The following EGFR variants were observed in gnomAD, a reference collection of about 807,000 sequenced individuals.
The protein encoded by EGFR is avian erythroblastic leukemia viral (v-erb-b) oncogene homolog.
A neutral mutation model predicts 143.0 loss-of-function variants in EGFR; 58 were observed. The observed-to-expected ratio is 0.41, with a 90% CI of 0.33 to 0.50. The LOEUF is 0.50. EGFR is among the 20% of genes least tolerant of loss of function. The pLI is 0.39. For missense variants in EGFR, 1,307 were observed against 1,579.0 expected, an observed-to-expected ratio of 0.83 and a Z score of 2.92; for synonymous variants, 613 against 594.4, an observed-to-expected ratio of 1.03 and a Z score of -0.45.
chr7:55,066,140 G>A (rs188503575), intron 1 of EGFR, among the ~76,000 whole-genome samples: 77 of 152,192 alleles, frequency 5.1e-4, no homozygotes, highest in African/African-American at 1.5e-3. Context: ...CCCCTCTTGC[G>A]TCCTTTCCTC....
chr7:55,133,509 A>G (rs1793971064), intron 1 of EGFR, among the ~76,000 whole-genome samples: 1 of 152,162 alleles, frequency 6.6e-6, no homozygotes. Flanking sequence ...CCGGGTTTTG[A>G]AGCCGATTTT....
chr7:55,024,318 T>C (rs1029362844), intron 1 of EGFR, among the ~76,000 whole-genome samples: 7 of 152,234 alleles, frequency 4.6e-5, no homozygotes, highest in African/African-American at 1.4e-4. Flanking sequence ...TAAATTTTAC[T>C]CCTACCAGTT....
chr7:55,024,629 T>C (rs58711464), intron 1 of EGFR, among the ~76,000 whole-genome samples: 42,287 of 152,108 alleles, frequency 0.28, 7,382 homozygotes, highest in African/African-American at 0.5. Flanking sequence ...AAGTCAACCA[T>C]GATTGTTTGC....
chr7:55,207,438 A>G lies in EGFR; in HGVS notation c.*1821A>G. The G allele has an allele frequency of 5.1e-6, 1 of 195,972 alleles. No individual in the cohort carries two copies. Among genetic ancestry groups the G allele is most frequent in the Non-Finnish European group, 1.1e-5 (1 of 94,406 alleles). The allele number at this position is 195,972 out of a possible 1,614,324, so 12.1% of individuals were successfully genotyped here. ...TAGTCCCTGATTCTAAGAAATTCACAATTTAGCAAAGGAAATGGACTCATA... is the reference window on the plus strand; with the variant it reads ...TAGTCCCTGATTCTAAGAAATTCACGATTTAGCAAAGGAAATGGACTCATA... On this transcript the variant is annotated 3_prime_UTR_variant, in exon 28 of 28. Coordinates refer to ENST00000275493, the MANE Select transcript of EGFR (RefSeq NM_005228.5).
chr7:55,108,046 T>C (rs1436372504), intron 1 of EGFR, among the ~76,000 whole-genome samples: 1 of 152,222 alleles, frequency 6.6e-6, no homozygotes, highest in African/African-American at 2.4e-5. Context: ...GTTTGAAAGA[T>C]GAAGTTGAGA....
chr7:55,038,651 AT>A, intron 1 of EGFR, among the ~76,000 whole-genome samples: 1 of 152,360 alleles, frequency 6.6e-6, no homozygotes, highest in African/African-American at 2.4e-5. Context: ...ATTTTTGTTT[AT>A]TCACATTGAG....
chr7:55,168,511 AT>A, intron 15 of EGFR: 2 of 1,480,164 alleles, frequency 1.4e-6, no homozygotes, highest in Non-Finnish European at 1.9e-6. Flanking sequence ...ATGTCTTTCT[AT>A]TTTTTCCCAG....
chr7:55,190,742 C>G (rs950081340), intron 20 of EGFR, among the ~76,000 whole-genome samples: 5 of 152,218 alleles, frequency 3.3e-5, no homozygotes, highest in Non-Finnish European at 5.9e-5. Context: ...AAAGGTGGCC[C>G]ACCCTCTTGG....
At chr7:55,019,591 A>AC (rs894065157) in intron 1 of EGFR, among the ~76,000 whole-genome samples, 2 of 151,958 alleles carry the variant, frequency 1.3e-5, no homozygotes, top group African/African-American at 4.8e-5. Context: ...GACGCGTGGG[A>AC]CACCGGGCTG....
intron 1 of EGFR, among the ~76,000 whole-genome samples, chr7:55,055,930 G>A (rs754508330): frequency 6.6e-6 from 1 of 152,050 alleles, no homozygotes; most frequent in Non-Finnish European, 1.5e-5. Context: ...CATGGATGGC[G>A]ACTTCTCAGA....
At chr7:55,067,765 A>C (rs1248777514) in intron 1 of EGFR, among the ~76,000 whole-genome samples, 1 of 151,496 alleles carries the variant, frequency 6.6e-6, no homozygotes, top group Non-Finnish European at 1.5e-5. Context: ...CCACAATCAA[A>C]GAAATTAACA....
intron 1 of EGFR, among the ~76,000 whole-genome samples, chr7:55,020,700 T>C (rs1344237715): frequency 2.0e-5 from 3 of 151,836 alleles, no homozygotes; most frequent in African/African-American, 2.4e-5. Context: ...GAAACATGCC[T>C]TGGAAGGTTT....
At chr7:55,031,748 C>T (rs1787260570) in intron 1 of EGFR, among the ~76,000 whole-genome samples, 1 of 152,210 alleles carries the variant, frequency 6.6e-6, no homozygotes, top group South Asian at 2.1e-4. Flanking sequence ...GGCCTAAATT[C>T]TGCTGATGGA....
At chr7:55,155,296 G>T (rs939596083) in intron 7 of EGFR, among the ~76,000 whole-genome samples, 6 of 152,182 alleles carry the variant, frequency 3.9e-5, no homozygotes, top group African/African-American at 1.4e-4. Flanking sequence ...ACAAAAATTA[G>T]CCGGGCGTGG....
chr7:55,161,688 T>C, intron 13 of EGFR, 57 bp downstream of exon 13: 2 of 1,613,306 alleles, frequency 1.2e-6, no homozygotes, highest in South Asian at 2.2e-5. Flanking sequence ...CTCCAGGTTG[T>C]TGTTATAGCT....
chr7:55,080,551 T>C (rs1790403055), intron 1 of EGFR, among the ~76,000 whole-genome samples: 1 of 152,084 alleles, frequency 6.6e-6, no homozygotes, highest in Non-Finnish European at 1.5e-5. Context: ...AGGTGTGAGC[T>C]TGGGGAGATT....
chr7:55,200,487 C>T (rs2128970182), intron 24 of EGFR, 74 bp downstream of exon 24: 2 of 1,456,006 alleles, frequency 1.4e-6, no homozygotes, highest in East Asian at 2.3e-5. Context: ...TGTTCTGTCA[C>T]ATGCCAGCCT....
At chr7:55,060,312 T>G (rs1365561886) in intron 1 of EGFR, among the ~76,000 whole-genome samples, 1 of 152,228 alleles carries the variant, frequency 6.6e-6, no homozygotes, top group Non-Finnish European at 1.5e-5. Flanking sequence ...TTTTTAGTAG[T>G]GCCTCAGTAG....
At chr7:55,161,116 G>T (rs906201974) in intron 12 of EGFR, among the ~76,000 whole-genome samples, 4 of 152,172 alleles carry the variant, frequency 2.6e-5, no homozygotes, top group African/African-American at 9.7e-5. Context: ...TGCACACCTG[G>T]TTCCTTCAGC....
Sources: gnomAD v4.1 joint callset for allele counts (sites outside exome capture counted in the v4.1 genomes callset) on GRCh38, gnomAD v4.1.1 for gene constraint, MANE v1.5 for transcripts, NCBI Gene and HGNC (gene_info 2026-07-23, HGNC 2026-07-21) for gene names.